Variants in SEMA4D observed in about 807,000 individuals in gnomAD.
SEMA4D encodes the protein semaphorin 4D.
SEMA4D carries 22 observed loss-of-function variants against 74.8 expected under a neutral mutation model. The observed-to-expected ratio is 0.29, with a 90% CI of 0.21 to 0.42. The LOEUF is 0.42. SEMA4D is among the 10% of genes least tolerant of loss of function. The probability of loss-of-function intolerance (pLI) is 1.00; values close to 1 mark genes in which losing one functional copy is unlikely to be tolerated. For missense variants in SEMA4D, 937 were observed against 1,118.4 expected (o/e 0.84, Z 2.31); for synonymous variants, 445 against 463.7 (o/e 0.96, Z 0.52).
In SEMA4D at chr9:89,378,425, G is replaced by C. The variant is rs1368959060; in HGVS notation, c.*279C>G. The C allele has an allele frequency of 2.6e-6, 1 of 386,246 alleles. No homozygotes were observed. The highest frequency in any genetic ancestry group is 2.0e-5 in the African/African-American group (1 of 49,312). 23.9% of individuals were successfully genotyped at this position (386,246 alleles called of 1,614,324 possible). On this transcript the variant is annotated 3_prime_UTR_variant, in exon 16 of 16. Coordinates refer to ENST00000422704, the MANE Select transcript of SEMA4D (RefSeq NM_001371194.2). ...TTTCCCCCACTACAGAAAGGGCTCA[G>C]GAACTCCGTGCCGCCCGTGGGCCTT...
intron 1 of SEMA4D, chr9:89,472,367 CACTT>C (rs1369490009): frequency 3.3e-5 from 13 of 390,158 alleles, no homozygotes; most frequent in Non-Finnish European, 5.0e-5. Context: ...GGAGACAAGA[CACTT>C]ACAAGATGGA....
At chr9:89,408,980 A>T (rs1843914546) in intron 2 of SEMA4D, among the ~76,000 whole-genome samples, 1 of 152,240 alleles carries the variant, frequency 6.6e-6, no homozygotes, top group South Asian at 2.1e-4. Flanking sequence ...ACGGATGCGG[A>T]GCCTGCAGAG....
chr9:89,445,912 C>T (rs1025673701), intron 2 of SEMA4D, among the ~76,000 whole-genome samples: 1 of 152,142 alleles, frequency 6.6e-6, no homozygotes, highest in Non-Finnish European at 1.5e-5. Flanking sequence ...GCAGGCTCAG[C>T]TGGAGGTGCC....
chr9:89,439,398 C>T (rs1377423736), intron 2 of SEMA4D, among the ~76,000 whole-genome samples: 2 of 152,090 alleles, frequency 1.3e-5, no homozygotes, highest in Non-Finnish European at 2.9e-5. Flanking sequence ...TTCTTAGAAT[C>T]CTCTAAGATC....
At position 89,387,353 on chromosome 9, in the gene SEMA4D, C is replaced by T. The variant is rs534779163; in HGVS notation, c.1330+33G>A. 5.9e-5 allele frequency: 92 copies of T among 1,547,024 alleles called. 4 individuals are homozygous for T. The South Asian group carries it at 1.0e-3, about 17-fold the overall frequency. On this transcript the variant is annotated intron_variant, in intron 12 of 15. Coordinates refer to ENST00000422704, the MANE Select transcript of SEMA4D (RefSeq NM_001371194.2). Reference sequence around the variant, plus strand: ...CTACCAGAGGACACAGATGTGCTGTCACTGTCAAGCCTGCCAAGCCCTCGG... The same window carrying T: ...CTACCAGAGGACACAGATGTGCTGTTACTGTCAAGCCTGCCAAGCCCTCGG...
intron 2 of SEMA4D, among the ~76,000 whole-genome samples, chr9:89,416,798 T>C (rs1021667309): frequency 1.3e-5 from 2 of 152,222 alleles, no homozygotes; most frequent in African/African-American, 4.8e-5. Flanking sequence ...GTTTCACCCA[T>C]GCTACACCCA....
At chr9:89,430,076 C>T (rs1467166119) in intron 2 of SEMA4D, among the ~76,000 whole-genome samples, 2 of 151,782 alleles carry the variant, frequency 1.3e-5, no homozygotes, top group Non-Finnish European at 1.5e-5. Flanking sequence ...CTGAGGAGGA[C>T]GGGCCTCAGG....
At chr9:89,392,672 TCTC>T in intron 7 of SEMA4D, 136 bp from the exon 8 acceptor site, 1 of 632,168 alleles carries the variant, frequency 1.6e-6, no homozygotes, top group Non-Finnish European at 2.8e-6. Context: ...GGAAAGACAG[TCTC>T]CTCAACTTTT....
Position 89,492,786 on chromosome 9 carries a change from C to G in SEMA4D, c.-310+5133G>C, listed in dbSNP as rs80230853. Among the ~76,000 whole-genome samples the G allele has an allele frequency of 0.015, 2,242 of 152,266 alleles. 56 individuals are homozygous for G. The highest frequency in any genetic ancestry group is 0.05 in the African/African-American group (2,085 of 41,534). On this transcript the variant is annotated intron_variant, in intron 1 of 15. Transcript: ENST00000422704. This position sits in a 1 kb window ranked among gnomAD's most constrained non-coding sequence, Gnocchi z 4.3. ...GCCTGCCTCCCACCCGAGGAGACTG[C>G]CCGAGCTCCTGCAAGGCCCGCCCCG... is the stretch of plus-strand genomic sequence containing the variant.
intron 2 of SEMA4D, chr9:89,418,789 G>A (rs1439861149): frequency 2.0e-5 from 3 of 152,086 alleles, no homozygotes; most frequent in African/African-American, 7.3e-5. Flanking sequence ...CTCAGGAGCC[G>A]ACGCTGATCC....
intron 2 of SEMA4D, among the ~76,000 whole-genome samples, chr9:89,417,830 A>C (rs1846047264): frequency 6.6e-6 from 1 of 152,204 alleles, no homozygotes; most frequent in Non-Finnish European, 1.5e-5. Flanking sequence ...GAGCTGGGAC[A>C]AGCAGTGGCA....
chr9:89,474,586 T>A (rs1202436023), intron 1 of SEMA4D, among the ~76,000 whole-genome samples: 1 of 152,214 alleles, frequency 6.6e-6, no homozygotes, highest in African/African-American at 2.4e-5. Flanking sequence ...TTTTTGTTTT[T>A]TCAGTGTGTA....
intron 2 of SEMA4D, among the ~76,000 whole-genome samples, chr9:89,433,775 G>C (rs1459645222): frequency 1.3e-5 from 2 of 152,186 alleles, no homozygotes; most frequent in Admixed American, 6.5e-5. Flanking sequence ...TTACACACAA[G>C]AGCATGGCCC....
intron 1 of SEMA4D, among the ~76,000 whole-genome samples, chr9:89,466,778 G>C (rs547136284): frequency 6.0e-4 from 91 of 152,290 alleles, no homozygotes; most frequent in African/African-American, 2.1e-3. Flanking sequence ...GCAGGGAGGC[G>C]GCTACCAGGT....
chr9:89,458,468 C>T (rs1277093881), intron 1 of SEMA4D, among the ~76,000 whole-genome samples: 1 of 152,098 alleles, frequency 6.6e-6, no homozygotes, highest in Non-Finnish European at 1.5e-5. Context: ...CTGGGCCCAC[C>T]TAAAAGACTG....
At chr9:89,426,032 C>G (rs1364176506) in intron 2 of SEMA4D, among the ~76,000 whole-genome samples, 3 of 152,242 alleles carry the variant, frequency 2.0e-5, no homozygotes, top group African/African-American at 7.2e-5. Flanking sequence ...GGACTACAGG[C>G]AGCCTGGGGA....
chr9:89,486,461 T>C (rs1825209173), intron 1 of SEMA4D, among the ~76,000 whole-genome samples: 1 of 152,204 alleles, frequency 6.6e-6, no homozygotes, highest in South Asian at 2.1e-4. Flanking sequence ...ACTCACAGAA[T>C]GGTACATTTA....
chr9:89,452,438 A>G (rs1160796337), intron 2 of SEMA4D, among the ~76,000 whole-genome samples: 1 of 151,628 alleles, frequency 6.6e-6, no homozygotes. Flanking sequence ...CCGGCCTCCC[A>G]AAGTGCTGGG....
chr9:89,455,451 G>A (rs1451672924), intron 2 of SEMA4D, among the ~76,000 whole-genome samples: 1 of 152,192 alleles, frequency 6.6e-6, no homozygotes, highest in Non-Finnish European at 1.5e-5. Flanking sequence ...CTAGGGTCGG[G>A]TGAAAGACCA....
Sources: gnomAD v4.1 joint callset for allele counts (sites outside exome capture counted in the v4.1 genomes callset) on GRCh38, gnomAD v4.1.1 for gene constraint, Gnocchi (gnomAD v3.1) non-coding constraint, MANE v1.5 for transcripts, NCBI Gene and HGNC (gene_info 2026-07-23, HGNC 2026-07-21) for gene names.